ME1: variants seen among roughly 807,000 people sequenced by gnomAD.
ME1 encodes NADP-dependent malic enzyme.
ME1 carries 74 observed loss-of-function variants against 66.4 expected under a neutral mutation model. The observed-to-expected ratio is 1.11, with a 90% CI of 0.92 to 1.35. The LOEUF (loss-of-function observed/expected upper bound fraction) is 1.35. ME1 is among the 40% of genes most tolerant of loss of function. The pLI is 0.00. For synonymous variants in ME1, 251 were observed against 235.6 expected (o/e 1.07, Z -0.60); for missense variants, 750 against 694.1 (o/e 1.08, Z -0.90).
At chr6:83,224,698 TAAA>T (rs375646721) in intron 11 of ME1, among the ~76,000 whole-genome samples, 15,641 of 126,498 alleles carry the variant, frequency 0.12, 1,239 homozygotes, top group East Asian at 0.24. Context: ...AAAAAAAAAA[TAAA>T]AATAATAATA....
In ME1 at chr6:83,242,148, G is replaced by A. The variant is rs1451510543; in HGVS notation, c.815-2512C>T. ...AAAGTGCTGGGATTACAGGCGTGAT[G>A]AGCCACTGAGCCCCGCCTGTACTAT... On this transcript the variant is annotated intron_variant, in intron 7 of 13. Transcript: ENST00000369705. 2.6e-5 allele frequency among the ~76,000 whole-genome samples: 4 copies of A among 152,160 alleles called. No individual in the cohort carries two copies. The South Asian group carries it at 6.2e-4, about 24-fold the overall frequency.
At position 83,227,372 on chromosome 6, in the gene ME1, G is replaced by C; in HGVS notation, c.1238C>G (p.Ala413Gly). The C allele has an allele frequency of 6.2e-7, 1 of 1,601,462 alleles. No homozygotes were observed. Among genetic ancestry groups the C allele is most frequent in the Non-Finnish European group, 8.5e-7 (1 of 1,171,848 alleles). ...GTAGCACTGCTCTGCAGAACATTCT[G>C]CTTTGCTAGTTGGATTACTCAAAGC... ...IFALSNPTSKAECSAEQCYKI... is the reference protein window; with the variant it reads ...IFALSNPTSKGECSAEQCYKI... The change falls in exon 11 of 14, where the codon GCA becomes GGA. Residue 413 changes from alanine (A) to glycine (G), a missense_variant. By Grantham distance (60) the Ala-to-Gly change is moderately conservative (BLOSUM62 0). Transcript: ENST00000369705.
chr6:83,307,548 G>A (rs901477712), intron 6 of ME1, among the ~76,000 whole-genome samples: 6 of 152,082 alleles, frequency 3.9e-5, no homozygotes, highest in African/African-American at 1.4e-4. Context: ...GCTGATCAAA[G>A]TGACAGGTGG....
At chr6:83,301,692 A>G (rs1470949173) in intron 6 of ME1, among the ~76,000 whole-genome samples, 2 of 152,182 alleles carry the variant, frequency 1.3e-5, no homozygotes, top group Non-Finnish European at 1.5e-5. Flanking sequence ...AAACATATGA[A>G]AAAAGTTCAA....
intron 5 of ME1, among the ~76,000 whole-genome samples, chr6:83,315,999 T>C (rs1768024038): frequency 6.6e-6 from 1 of 152,152 alleles, no homozygotes; most frequent in Non-Finnish European, 1.5e-5. Context: ...AATATTTCAT[T>C]TGTGTTAATT....
chr6:83,293,134 C>T (rs942342929), intron 6 of ME1, among the ~76,000 whole-genome samples: 3 of 152,152 alleles, frequency 2.0e-5, no homozygotes, highest in African/African-American at 7.2e-5. Context: ...CTTCAGCTTG[C>T]CCTCTGTGGG....
intron 11 of ME1, among the ~76,000 whole-genome samples, chr6:83,225,481 A>T (rs2128523649): frequency 6.6e-6 from 1 of 152,224 alleles, no homozygotes; most frequent in South Asian, 2.1e-4. Flanking sequence ...TCTAGAGTCT[A>T]AATAATGATA....
At chr6:83,426,333 C>A (rs1397341640) in intron 1 of ME1, among the ~76,000 whole-genome samples, 4 of 152,210 alleles carry the variant, frequency 2.6e-5, no homozygotes, top group Non-Finnish European at 2.9e-5. Flanking sequence ...ATCAAACTCA[C>A]CTTTCTTATT....
At chr6:83,270,353 A>G (rs1408723040) in intron 6 of ME1, among the ~76,000 whole-genome samples, 1 of 152,138 alleles carries the variant, frequency 6.6e-6, no homozygotes, top group Admixed American at 6.5e-5. Context: ...ATTTCTTGTT[A>G]AACGATCTAC....
At chr6:83,379,621 G>GT (rs1769357545) in intron 3 of ME1, among the ~76,000 whole-genome samples, 4 of 151,800 alleles carry the variant, frequency 2.6e-5, no homozygotes, top group African/African-American at 4.8e-5. Context: ...CATTTGCTTG[G>GT]TTTTTTGAAA....
At chr6:83,213,371 C>T (rs906452382) in intron 13 of ME1, among the ~76,000 whole-genome samples, 1 of 151,732 alleles carries the variant, frequency 6.6e-6, no homozygotes, top group Non-Finnish European at 1.5e-5. Flanking sequence ...TTGCAGTGAG[C>T]CGAGATCACA....
chr6:83,321,184 C>T (rs750028027), intron 5 of ME1, among the ~76,000 whole-genome samples: 3 of 152,168 alleles, frequency 2.0e-5, no homozygotes, highest in Non-Finnish European at 4.4e-5. Context: ...CCCTTGGGTG[C>T]TTACACCACA....
chr6:83,243,498 T>TCGA (rs1164351369), intron 7 of ME1, among the ~76,000 whole-genome samples: 4 of 130,634 alleles, frequency 3.1e-5, no homozygotes, highest in African/African-American at 1.2e-4. Context: ...TTATGTTATA[T>TCGA]TGATATAATC....
chr6:83,350,128 A>G (rs1043002386), intron 4 of ME1, among the ~76,000 whole-genome samples: 1 of 152,188 alleles, frequency 6.6e-6, no homozygotes, highest in Non-Finnish European at 1.5e-5. Flanking sequence ...TCAAGTATAT[A>G]GTACAGACCA....
intron 1 of ME1, among the ~76,000 whole-genome samples, chr6:83,417,302 C>T (rs1432377542): frequency 6.6e-6 from 1 of 152,172 alleles, no homozygotes; most frequent in Admixed American, 6.5e-5. Flanking sequence ...GTCTTCCTCC[C>T]TTGGCCTCCC....
Position 83,212,095 on chromosome 6 carries a change from C to A in ME1, c.1549-1G>T. 1 of 1,594,166 alleles carries A rather than the reference C, an allele frequency of 6.3e-7. No individual in the cohort carries two copies. The highest frequency in any genetic ancestry group is 2.2e-5 in the East Asian group (1 of 44,502). On this transcript the variant is annotated splice_acceptor_variant, in intron 13 of 13. Transcript: ENST00000369705. LOFTEE classifies it high-confidence loss of function. Reference sequence around the variant, plus strand: ...TTTCTTGGTATGCATCTTTCACAATCTAGATATAAGAAAAGAATATTAATT... The same window carrying A: ...TTTCTTGGTATGCATCTTTCACAATATAGATATAAGAAAAGAATATTAATT...
chr6:83,390,227 T>C (rs1474672931), intron 3 of ME1, among the ~76,000 whole-genome samples: 1 of 152,202 alleles, frequency 6.6e-6, no homozygotes, highest in African/African-American at 2.4e-5. Flanking sequence ...TTTGTAACTA[T>C]GTTAAGCTCA....
intron 3 of ME1, among the ~76,000 whole-genome samples, chr6:83,378,708 C>T (rs1254834898): frequency 1.4e-5 from 2 of 147,694 alleles, no homozygotes; most frequent in East Asian, 2.0e-4. Flanking sequence ...TTCAATGTGG[C>T]AGTTAGCAGA....
In ME1 at chr6:83,272,433, T is replaced by C. The variant is rs184039392; in HGVS notation, c.705-18695A>G. On this transcript the variant is annotated intron_variant, in intron 6 of 13. Coordinates refer to ENST00000369705, the MANE Select transcript of ME1 (RefSeq NM_002395.6). ...TAATTTGTGTGTAACATACTTTAAT[T>C]GTATCTAAAAACAACATTCTAGGCC... Among the ~76,000 whole-genome samples, 10 of 152,288 alleles carry C rather than the reference T, an allele frequency of 6.6e-5. No homozygotes were observed. In the East Asian group the frequency reaches 1.9e-3, roughly 29 times the overall value.
Sources: gnomAD v4.1 joint callset for allele counts (sites outside exome capture counted in the v4.1 genomes callset) on GRCh38, gnomAD v4.1.1 for gene constraint, MANE v1.5 for transcripts, NCBI Gene and HGNC (gene_info 2026-07-23, HGNC 2026-07-21) for gene names.